The following STK4 variants were observed in gnomAD, a reference collection of about 807,000 sequenced individuals.
The protein encoded by STK4 is serine/threonine-protein kinase 4.
STK4 carries 30 observed loss-of-function variants against 64.9 expected under a neutral mutation model. That is an observed-to-expected ratio of 0.46 (90% CI 0.35 to 0.63). The LOEUF (loss-of-function observed/expected upper bound fraction) is 0.63. Ranked by LOEUF, STK4 falls within the 20% of genes least tolerant of loss-of-function variation. STK4 has a pLI of 0.01. For missense variants in STK4, 466 were observed against 598.5 expected, an observed-to-expected ratio of 0.78 and a Z score of 2.31; for synonymous variants, 177 against 199.0, an observed-to-expected ratio of 0.89 and a Z score of 0.93.
At chr20:45,000,573 G>A in intron 8 of STK4, 53 bp downstream of exon 8, 1 of 1,608,836 alleles carries the variant, frequency 6.2e-7, no homozygotes, top group Non-Finnish European at 8.5e-7. Flanking sequence ...GTTATTTTAT[G>A]ATTGCCAAAC....
At chr20:45,053,092 A>G (rs988063205) in intron 10 of STK4, 1 of 1,611,880 alleles carries the variant, frequency 6.2e-7, no homozygotes, top group Non-Finnish European at 8.5e-7. Flanking sequence ...TCAGAAAACT[A>G]GCCAAGAACA....
intron 10 of STK4, among the ~76,000 whole-genome samples, chr20:45,054,196 C>G (rs1481467597): frequency 6.6e-6 from 1 of 152,150 alleles, no homozygotes; most frequent in East Asian, 1.9e-4. Context: ...TTCATTCTCT[C>G]TCTGTTTAGC....
chr20:45,055,813 A>G (rs551213345), intron 10 of STK4, among the ~76,000 whole-genome samples: 2 of 151,068 alleles, frequency 1.3e-5, no homozygotes, highest in South Asian at 2.1e-4. Context: ...GCTCACTGCA[A>G]TCTTTGCCTC....
intron 10 of STK4, among the ~76,000 whole-genome samples, chr20:45,057,758 G>T (rs1978614234): frequency 6.6e-6 from 1 of 152,160 alleles, no homozygotes; most frequent in East Asian, 1.9e-4. Context: ...ACTGCTAGGA[G>T]TATAGTGTTT....
chr20:45,064,114 G>C (rs932670988), intron 10 of STK4, among the ~76,000 whole-genome samples: 6 of 152,060 alleles, frequency 3.9e-5, no homozygotes, highest in Admixed American at 6.6e-5. Context: ...GGCCAAGGGG[G>C]GGGGTCCAGT....
intron 9 of STK4, among the ~76,000 whole-genome samples, chr20:45,014,350 C>T (rs1395394222): frequency 6.6e-6 from 1 of 151,948 alleles, no homozygotes; most frequent in Non-Finnish European, 1.5e-5. Flanking sequence ...CTCTTGAAAC[C>T]GGGAGGCGGA....
intron 9 of STK4, among the ~76,000 whole-genome samples, chr20:45,007,979 T>C (rs2067979079): frequency 6.6e-6 from 1 of 152,158 alleles, no homozygotes; most frequent in African/African-American, 2.4e-5. Context: ...AGTGAACACA[T>C]GCGGTATTTG....
intron 10 of STK4, among the ~76,000 whole-genome samples, chr20:45,040,064 G>A (rs937551673): frequency 5.5e-4 from 67 of 121,158 alleles, no homozygotes; most frequent in African/African-American, 2.0e-3. Flanking sequence ...TTTTTTTTTG[G>A]CAAGGGTATT....
chr20:44,996,057 T>C (rs2067724529), intron 6 of STK4, among the ~76,000 whole-genome samples: 1 of 152,210 alleles, frequency 6.6e-6, no homozygotes, highest in Non-Finnish European at 1.5e-5. Flanking sequence ...AAGCAAACTG[T>C]ATTTTTGAAC....
At chr20:45,053,390 T>C (rs554784913) in intron 10 of STK4, among the ~76,000 whole-genome samples, 2 of 152,346 alleles carry the variant, frequency 1.3e-5, no homozygotes, top group Non-Finnish European at 2.9e-5. Flanking sequence ...CTTTGTTTGG[T>C]TCGGAGACTG....
chr20:45,069,710 A>T (rs139126469), intron 10 of STK4, among the ~76,000 whole-genome samples: 1 of 152,312 alleles, frequency 6.6e-6, no homozygotes, highest in East Asian at 1.9e-4. Flanking sequence ...GCCCCATGTA[A>T]GCTTGCTTCA....
At chr20:45,065,920 T>G (rs1979525348) in intron 10 of STK4, among the ~76,000 whole-genome samples, 1 of 152,080 alleles carries the variant, frequency 6.6e-6, no homozygotes, top group South Asian at 2.1e-4. Context: ...GCTTTGGGGT[T>G]GGTTTGCTTT....
intron 10 of STK4, among the ~76,000 whole-genome samples, chr20:45,034,334 T>A (rs1315837247): frequency 6.6e-6 from 1 of 151,602 alleles, no homozygotes; most frequent in East Asian, 1.9e-4. Context: ...AAAGGAAGAG[T>A]GTACCAATAA....
At chr20:45,038,302 ATAT>A (rs1409393333) in intron 10 of STK4, among the ~76,000 whole-genome samples, 4 of 143,690 alleles carry the variant, frequency 2.8e-5, no homozygotes, top group African/African-American at 1.1e-4. Flanking sequence ...TATTTATAAA[ATAT>A]TATTGACCTT....
At chr20:45,053,245 C>A in intron 10 of STK4, 1 of 1,339,794 alleles carries the variant, frequency 7.5e-7, no homozygotes, top group South Asian at 1.2e-5. Context: ...ATCGTGCTAG[C>A]TGATTTGAGC....
chr20:44,994,910 A>G (rs1201088416), intron 5 of STK4, among the ~76,000 whole-genome samples, 180 bp from the exon 6 acceptor site: 1 of 150,888 alleles, frequency 6.6e-6, no homozygotes, highest in Non-Finnish European at 1.5e-5. Flanking sequence ...TGCCTGCTTG[A>G]TCATGCTCAG....
intron 10 of STK4, among the ~76,000 whole-genome samples, chr20:45,033,147 A>C (rs746626316): frequency 8.5e-5 from 13 of 152,188 alleles, no homozygotes; most frequent in Middle Eastern, 3.4e-3. Context: ...AATTTGTTTA[A>C]GTTCCTTACA....
intron 10 of STK4, among the ~76,000 whole-genome samples, chr20:45,048,513 T>G (rs1191295145): frequency 6.7e-6 from 1 of 149,712 alleles, no homozygotes; most frequent in Admixed American, 6.6e-5. Context: ...GCTTTGTGAT[T>G]TTTTTTTTTT....
intron 10 of STK4, among the ~76,000 whole-genome samples, chr20:45,054,335 G>A (rs1348764847): frequency 2.0e-5 from 3 of 152,218 alleles, no homozygotes; most frequent in South Asian, 4.2e-4. Flanking sequence ...AGGCCAAAGC[G>A]GGAGGATCCC....
Sources: allele counts gnomAD v4.1 joint callset (sites outside exome capture counted in the v4.1 genomes callset), GRCh38; gene constraint gnomAD v4.1.1; transcripts MANE v1.5; gene names NCBI Gene and HGNC (gene_info 2026-07-23, HGNC 2026-07-21).